Variants in LGSN observed in about 807,000 individuals in gnomAD.
LGSN encodes lengsin, lens protein with glutamine synthetase domain.
In LGSN, 21 loss-of-function variants were observed where a neutral mutation model predicts 19.5. The observed-to-expected ratio is 1.07, with a 90% confidence interval of 0.76 to 1.55. The LOEUF (loss-of-function observed/expected upper bound fraction) is 1.55. Ranked by LOEUF, LGSN falls within the 40% of genes most tolerant of loss-of-function variation. LGSN has a pLI of 0.00. For synonymous variants in LGSN, 257 were observed against 215.6 expected, an observed-to-expected ratio of 1.19 and a Z score of -1.68; for missense variants, 673 against 608.5, an observed-to-expected ratio of 1.11 and a Z score of -1.12.
chr6:63,434,165 G>A, the LGSN span, among the ~76,000 whole-genome samples: 3 of 152,118 alleles, frequency 2.0e-5, no homozygotes, highest in East Asian at 1.9e-4. Context: ...CTGGCTGGGC[G>A]CAGTGGCTCA....
the LGSN span, among the ~76,000 whole-genome samples, chr6:63,504,332 C>T: frequency 1.3e-5 from 2 of 152,012 alleles, no homozygotes; most frequent in African/African-American, 4.8e-5. Flanking sequence ...AGCTCCGCCT[C>T]CCACGTTCAC....
the LGSN span, among the ~76,000 whole-genome samples, chr6:63,452,765 T>C: frequency 6.6e-6 from 1 of 151,092 alleles, no homozygotes. Flanking sequence ...TTTTTTTTCT[T>C]CTTTTTTCTG....
chr6:63,462,420 G>A, the LGSN span, among the ~76,000 whole-genome samples: 14 of 152,246 alleles, frequency 9.2e-5, no homozygotes, highest in African/African-American at 3.4e-4. Context: ...ATCACCTGAA[G>A]TCAGGAGTTC....
the LGSN span, among the ~76,000 whole-genome samples, chr6:63,504,091 A>AT: frequency 7.9e-5 from 12 of 151,988 alleles, no homozygotes; most frequent in South Asian, 8.3e-4. Context: ...ATCCTTAACC[A>AT]TTTTTTTTAT....
At chr6:63,432,222 A>AGAAAAGAAAAGAAAC in the LGSN span, among the ~76,000 whole-genome samples, 1 of 145,480 alleles carries the variant, frequency 6.9e-6, no homozygotes, top group Non-Finnish European at 1.5e-5. Context: ...AGAAAAGAAA[A>AGAAAAGAAAAGAAAC]GAAACAGCAT....
At chr6:63,362,146 G>A in the LGSN span, among the ~76,000 whole-genome samples, 1 of 152,182 alleles carries the variant, frequency 6.6e-6, no homozygotes, top group Non-Finnish European at 1.5e-5. Context: ...GGACCTGCCT[G>A]AGGTTGTTTT....
the LGSN span, among the ~76,000 whole-genome samples, chr6:63,475,985 T>TAG: frequency 6.6e-6 from 1 of 152,176 alleles, no homozygotes; most frequent in Non-Finnish European, 1.5e-5. Context: ...ACTGACCCCT[T>TAG]CTGTCTAATG....
the LGSN span, among the ~76,000 whole-genome samples, chr6:63,457,833 T>C: frequency 6.6e-6 from 1 of 152,048 alleles, no homozygotes; most frequent in Non-Finnish European, 1.5e-5. Flanking sequence ...GAGCTGAGAT[T>C]GCACCACTGC....
At chr6:63,305,243 T>G (rs946572047) in intron 1 of LGSN, among the ~76,000 whole-genome samples, 3 of 152,130 alleles carry the variant, frequency 2.0e-5, no homozygotes, top group Non-Finnish European at 4.4e-5. Flanking sequence ...AATCAGGTTA[T>G]TTTTCTCTCA....
the LGSN span, among the ~76,000 whole-genome samples, chr6:63,348,281 C>T: frequency 2.0e-5 from 3 of 152,028 alleles, no homozygotes; most frequent in Non-Finnish European, 4.4e-5. Flanking sequence ...TGGCAAAACC[C>T]CGTCTTTACT....
At chr6:63,433,678 G>C in the LGSN span, among the ~76,000 whole-genome samples, 1 of 152,130 alleles carries the variant, frequency 6.6e-6, no homozygotes, top group East Asian at 1.9e-4. Flanking sequence ...GACATTTAAG[G>C]CTTAATATAA....
chr6:63,462,514 G>C, the LGSN span, among the ~76,000 whole-genome samples: 95 of 152,324 alleles, frequency 6.2e-4, no homozygotes, highest in Admixed American at 6.0e-3. Flanking sequence ...ATGCATGCCT[G>C]TAGTCCCAGC....
chr6:63,454,923 G>A, the LGSN span, among the ~76,000 whole-genome samples: 1 of 149,086 alleles, frequency 6.7e-6, no homozygotes, highest in African/African-American at 2.5e-5. Context: ...CTCCCAAGTA[G>A]CTGGGATTAC....
chr6:63,298,005 C>T (rs1768046221), intron 1 of LGSN, among the ~76,000 whole-genome samples: 1 of 152,200 alleles, frequency 6.6e-6, no homozygotes, highest in Non-Finnish European at 1.5e-5. Context: ...GTCATCTGAC[C>T]ATGCGACAGC....
the LGSN span, among the ~76,000 whole-genome samples, chr6:63,488,947 A>T: frequency 6.6e-6 from 1 of 152,202 alleles, no homozygotes; most frequent in Admixed American, 6.5e-5. Flanking sequence ...TGATCACAGA[A>T]TCTTTCTGGA....
the LGSN span, among the ~76,000 whole-genome samples, chr6:63,432,318 T>G: frequency 6.6e-6 from 1 of 152,146 alleles, no homozygotes; most frequent in Non-Finnish European, 1.5e-5. Flanking sequence ...ATTTCCAATT[T>G]CCATGCCTTC....
chr6:63,544,558 T>C, the LGSN span, among the ~76,000 whole-genome samples: 1,228 of 152,236 alleles, frequency 8.1e-3, 16 homozygotes, highest in African/African-American at 0.029. Flanking sequence ...TATAGTAAAA[T>C]AAAAACCTGG....
At chr6:63,446,439 C>T in the LGSN span, among the ~76,000 whole-genome samples, 3 of 152,052 alleles carry the variant, frequency 2.0e-5, no homozygotes, top group South Asian at 2.1e-4. Flanking sequence ...ACTTCACACC[C>T]GATATCATTT....
the LGSN span, among the ~76,000 whole-genome samples, chr6:63,398,282 T>C: frequency 6.6e-6 from 1 of 151,298 alleles, no homozygotes; most frequent in Non-Finnish European, 1.5e-5. Flanking sequence ...CAGAAGGCAT[T>C]GTTATCACAG....
Sources: gnomAD v4.1 joint callset for allele counts (sites outside exome capture counted in the v4.1 genomes callset) on GRCh38, gnomAD v4.1.1 for gene constraint, MANE v1.5 for transcripts, NCBI Gene and HGNC (gene_info 2026-07-23, HGNC 2026-07-21) for gene names.